The following PCDH9 variants were observed in gnomAD, a reference collection of about 807,000 sequenced individuals.
PCDH9 encodes protocadherin-9.
In PCDH9, 24 loss-of-function variants were observed where a neutral mutation model predicts 70.6. The ratio of observed to expected loss-of-function variants is 0.34; its 90% CI spans 0.25 to 0.48. The LOEUF (loss-of-function observed/expected upper bound fraction) is 0.48, where lower values mean the gene tolerates loss of function less well. PCDH9 is among the 20% of genes least tolerant of loss of function. The pLI is 0.99. For synonymous variants in PCDH9, 562 were observed against 558.5 expected, an observed-to-expected ratio of 1.01 and a Z score of -0.09; for missense variants, 1,281 against 1,503.6, an observed-to-expected ratio of 0.85 and a Z score of 2.45.
At chr13:67,216,273 A>G (rs2089597900) in intron 2 of PCDH9, 1 of 152,056 alleles carries the variant, frequency 6.6e-6, no homozygotes, top group South Asian at 2.1e-4. Flanking sequence ...TTTTGCTACC[A>G]CTGCATGGCA....
intron 3 of PCDH9, among the ~76,000 whole-genome samples, chr13:66,837,993 G>GA (rs1343303406): frequency 1.3e-5 from 2 of 151,578 alleles, no homozygotes; most frequent in Non-Finnish European, 2.9e-5. Flanking sequence ...GAAATATAAA[G>GA]AAAAAAATTT....
At chr13:66,379,928 AAAAC>A (rs1428558472) in intron 4 of PCDH9, among the ~76,000 whole-genome samples, 5 of 152,338 alleles carry the variant, frequency 3.3e-5, no homozygotes, top group East Asian at 1.9e-4. Flanking sequence ...CCTGTGCCTC[AAAAC>A]AAACAAACAA....
intron 4 of PCDH9, among the ~76,000 whole-genome samples, chr13:66,317,852 G>A (rs1042429204): frequency 3.3e-5 from 5 of 152,116 alleles, no homozygotes; most frequent in Admixed American, 6.5e-5. Flanking sequence ...AAAGTTTAGG[G>A]GGAAAAGGTG....
rs548791532 is a variant in PCDH9, at chr13:66,557,428, C to T, written c.3340+73782G>A. 3.7e-3 allele frequency among the ~76,000 whole-genome samples: 568 copies of T among 152,194 alleles called. 3 individuals are homozygous for T. The highest frequency in any genetic ancestry group is 0.013 in the African/African-American group (536 of 41,524). On this transcript the variant is annotated intron_variant, in intron 4 of 4. Transcript: ENST00000377865. ...GTAAGCGTAGTCTATTTTACAAATT[C>T]ATATTTTGGAATTATATTTTATTTA...
chr13:66,934,402 G>T (rs1209952226), intron 2 of PCDH9, among the ~76,000 whole-genome samples: 9 of 151,818 alleles, frequency 5.9e-5, no homozygotes, highest in South Asian at 2.1e-4. Flanking sequence ...TTAGCTGGGT[G>T]TGGTGGCGAG....
chr13:66,824,719 CACACACACATATATATATAT>C (rs1490091504), intron 3 of PCDH9, among the ~76,000 whole-genome samples: 50 of 134,032 alleles, frequency 3.7e-4, no homozygotes, highest in Non-Finnish European at 6.6e-4. Context: ...TATATATATA[CACACACACATATATATATAT>C]ACACACACAC....
intron 3 of PCDH9, among the ~76,000 whole-genome samples, chr13:66,849,467 C>T (rs1176343097): frequency 8.4e-6 from 1 of 118,938 alleles, no homozygotes; most frequent in African/African-American, 3.3e-5. Flanking sequence ...TATATGACAT[C>T]TATGACAATC....
chr13:66,800,644 G>T (rs565292442), intron 3 of PCDH9, among the ~76,000 whole-genome samples: 1 of 152,084 alleles, frequency 6.6e-6, no homozygotes, highest in Non-Finnish European at 1.5e-5. Flanking sequence ...AAATTTGTAG[G>T]TTAGGATTGC....
chr13:66,445,496 A>G (rs1157731502), intron 4 of PCDH9, among the ~76,000 whole-genome samples: 4 of 144,070 alleles, frequency 2.8e-5, no homozygotes, highest in African/African-American at 1.0e-4. Context: ...ATATATACAC[A>G]TATATAATAT....
chr13:67,180,891 T>G (rs576100212), intron 2 of PCDH9, among the ~76,000 whole-genome samples: 187 of 152,280 alleles, frequency 1.2e-3, no homozygotes, highest in African/African-American at 4.3e-3. Flanking sequence ...GGGATAGCAA[T>G]CCAAATGTAT....
intron 3 of PCDH9, among the ~76,000 whole-genome samples, chr13:66,867,906 G>T (rs1304785177): frequency 6.6e-6 from 1 of 151,810 alleles, no homozygotes; most frequent in East Asian, 1.9e-4. Flanking sequence ...TTTGTAAGTT[G>T]ATGGGCAAAT....
At chr13:66,726,007 C>T (rs962434112) in intron 3 of PCDH9, among the ~76,000 whole-genome samples, 1 of 152,158 alleles carries the variant, frequency 6.6e-6, no homozygotes, top group African/African-American at 2.4e-5. Context: ...ATTACTTTTG[C>T]ATCAACGTAT....
chr13:66,786,924 T>C (rs1050681077), intron 3 of PCDH9, among the ~76,000 whole-genome samples: 1 of 152,164 alleles, frequency 6.6e-6, no homozygotes, highest in African/African-American at 2.4e-5. Flanking sequence ...TTACAAGAGA[T>C]GTCGAAGCAT....
rs554677810 is a variant in PCDH9, at chr13:67,104,714, A to G, written c.3036+120691T>C. On this transcript the variant is annotated intron_variant, in intron 2 of 4. Transcript: ENST00000377865. ...CAAGCGCCCACCACCACGCTAGGCT[A>G]ATTTTTTTGTATTTTTAGTAGAGAC... 3.3e-4 allele frequency among the ~76,000 whole-genome samples: 50 copies of G among 151,992 alleles called. 1 individual carries two copies. Among genetic ancestry groups the G allele is most frequent in the South Asian group, 6.2e-4 (3 of 4,826 alleles).
intron 4 of PCDH9, among the ~76,000 whole-genome samples, chr13:66,373,235 G>A (rs1335038771): frequency 6.6e-6 from 1 of 151,846 alleles, no homozygotes; most frequent in Non-Finnish European, 1.5e-5. Flanking sequence ...GACACAAAAA[G>A]ACAAATACCA....
At chr13:67,046,173 T>C (rs778151072) in intron 2 of PCDH9, among the ~76,000 whole-genome samples, 13 of 152,306 alleles carry the variant, frequency 8.5e-5, no homozygotes, top group Non-Finnish European at 1.5e-4. Flanking sequence ...TAAGGTACCC[T>C]GCTAGCTATG....
chr13:66,595,100 C>T (rs1426362623), intron 4 of PCDH9, among the ~76,000 whole-genome samples: 1 of 151,452 alleles, frequency 6.6e-6, no homozygotes, highest in Admixed American at 6.6e-5. Flanking sequence ...ATATAGGCCT[C>T]TGGAGATAGG....
intron 2 of PCDH9, among the ~76,000 whole-genome samples, chr13:67,079,069 G>A (rs2085934278): frequency 6.6e-6 from 1 of 151,884 alleles, no homozygotes; most frequent in Non-Finnish European, 1.5e-5. Flanking sequence ...TAGCACTTTG[G>A]GAGGCCGAGG....
At chr13:66,599,311 G>T (rs1311158335) in intron 4 of PCDH9, among the ~76,000 whole-genome samples, 2 of 151,578 alleles carry the variant, frequency 1.3e-5, no homozygotes, top group Non-Finnish European at 3.0e-5. Flanking sequence ...TAATTGAAGA[G>T]ATTTTGAATG....
Sources: allele counts gnomAD v4.1 joint callset (sites outside exome capture counted in the v4.1 genomes callset), GRCh38; gene constraint gnomAD v4.1.1; transcripts MANE v1.5; gene names NCBI Gene and HGNC (gene_info 2026-07-23, HGNC 2026-07-21).